Variants in KIAA1217 observed in about 807,000 individuals in gnomAD.
The protein encoded by KIAA1217 is KIAA1217.
Under a neutral mutation model 163.9 loss-of-function variants are expected in KIAA1217, and 88 were observed. The ratio of observed to expected loss-of-function variants is 0.54; its 90% CI spans 0.45 to 0.64. The LOEUF (loss-of-function observed/expected upper bound fraction) is 0.64. Among genes scored for constraint, KIAA1217 ranks in the 30% least tolerant of loss-of-function variants. The pLI, the probability that KIAA1217 is intolerant of heterozygous loss-of-function variation, is 0.00. For synonymous variants in KIAA1217, 903 were observed against 923.1 expected, an observed-to-expected ratio of 0.98 and a Z score of 0.39; for missense variants, 2,372 against 2,475.0, an observed-to-expected ratio of 0.96 and a Z score of 0.88.
intron 2 of KIAA1217, among the ~76,000 whole-genome samples, chr10:24,369,984 G>A (rs769410143): frequency 6.6e-6 from 1 of 152,202 alleles, no homozygotes; most frequent in African/African-American, 2.4e-5. Flanking sequence ...ACATCTACCT[G>A]GCCGGGCGCG....
chr10:23,934,468 C>G (rs1370774627), intron 1 of KIAA1217, among the ~76,000 whole-genome samples: 1 of 146,836 alleles, frequency 6.8e-6, no homozygotes, highest in African/African-American at 2.5e-5. Context: ...TGTAACAAAT[C>G]TGCACATTCT....
At chr10:24,044,442 C>T (rs559831300) in intron 2 of KIAA1217, among the ~76,000 whole-genome samples, 61 of 152,192 alleles carry the variant, frequency 4.0e-4, no homozygotes, top group African/African-American at 1.4e-3. Context: ...TAGCTTATCA[C>T]GTGTCAGATT....
chr10:24,537,593 G>A (rs201617922), intron 17 of KIAA1217, among the ~76,000 whole-genome samples: 2,317 of 141,096 alleles, frequency 0.016, 66 homozygotes, highest in African/African-American at 0.056. Context: ...AAAAAAAAAA[G>A]TAAAAACCTT....
intron 1 of KIAA1217, among the ~76,000 whole-genome samples, chr10:23,882,226 G>A (rs1243305411): frequency 1.3e-5 from 2 of 151,990 alleles, no homozygotes; most frequent in East Asian, 3.9e-4. Context: ...GCACAGATGT[G>A]GGTGGCAATG....
At chr10:24,049,254 T>G (rs1418527244) in intron 2 of KIAA1217, among the ~76,000 whole-genome samples, 1 of 152,028 alleles carries the variant, frequency 6.6e-6, no homozygotes, top group East Asian at 1.9e-4. Context: ...GGTAGAGAGA[T>G]CAATAACTCA....
intron 2 of KIAA1217, among the ~76,000 whole-genome samples, chr10:24,191,600 T>C (rs953393222): frequency 1.3e-5 from 2 of 152,032 alleles, no homozygotes; most frequent in South Asian, 2.1e-4. Flanking sequence ...ATATTAAAAA[T>C]TTAAAAATTT....
chr10:24,170,526 C>T (rs1422460805), intron 2 of KIAA1217, among the ~76,000 whole-genome samples: 1 of 151,102 alleles, frequency 6.6e-6, no homozygotes, highest in Admixed American at 6.6e-5. Context: ...TCTTTGACAA[C>T]ACCCCACTAC....
chr10:24,072,116 C>T (rs2061209215), intron 2 of KIAA1217, among the ~76,000 whole-genome samples: 1 of 152,054 alleles, frequency 6.6e-6, no homozygotes, highest in African/African-American at 2.4e-5. Flanking sequence ...GCCTTGTACT[C>T]CTGGGCTCAA....
At chr10:23,829,093 A>G (rs1838049351) in intron 1 of KIAA1217, among the ~76,000 whole-genome samples, 1 of 152,204 alleles carries the variant, frequency 6.6e-6, no homozygotes, top group African/African-American at 2.4e-5. Flanking sequence ...GGATAAGGAA[A>G]TATAACACTA....
intron 1 of KIAA1217, among the ~76,000 whole-genome samples, chr10:23,851,153 TC>T (rs2131096294): frequency 6.6e-6 from 1 of 152,242 alleles, no homozygotes; most frequent in Non-Finnish European, 1.5e-5. Context: ...CCTAATGCTA[TC>T]CCTCCCCCTT....
chr10:24,273,836 G>A (rs1162412680), intron 2 of KIAA1217, among the ~76,000 whole-genome samples: 2 of 147,186 alleles, frequency 1.4e-5, no homozygotes, highest in South Asian at 4.3e-4. Flanking sequence ...CTGGGCGACA[G>A]AACAAGACTC....
At chr10:23,725,176 G>T (rs1002551480) in intron 1 of KIAA1217, among the ~76,000 whole-genome samples, 14 of 152,264 alleles carry the variant, frequency 9.2e-5, no homozygotes, top group Middle Eastern at 6.8e-3. Flanking sequence ...TTGTCATCCT[G>T]CCTTCAGCAC....
chr10:24,075,838 A>C (rs2061352575), intron 2 of KIAA1217, among the ~76,000 whole-genome samples: 1 of 152,124 alleles, frequency 6.6e-6, no homozygotes, highest in African/African-American at 2.4e-5. Flanking sequence ...TCCTGACCTC[A>C]AGTAATCCAC....
At chr10:23,916,161 T>C (rs1203627576) in intron 1 of KIAA1217, among the ~76,000 whole-genome samples, 1 of 152,180 alleles carries the variant, frequency 6.6e-6, no homozygotes, top group Non-Finnish European at 1.5e-5. Context: ...AAAATTAAAC[T>C]GAAAGCAGCC....
intron 1 of KIAA1217, among the ~76,000 whole-genome samples, chr10:23,730,406 T>G (rs1279463210): frequency 6.6e-6 from 1 of 152,244 alleles, no homozygotes; most frequent in Non-Finnish European, 1.5e-5. Context: ...CGTACTGCCT[T>G]GATTACTGTA....
chr10:24,008,202 A>G (rs1847087676), intron 2 of KIAA1217, among the ~76,000 whole-genome samples: 1 of 146,068 alleles, frequency 6.8e-6, no homozygotes, highest in Non-Finnish European at 1.5e-5. Flanking sequence ...AGATAGATAG[A>G]TAGATTATTT....
chr10:24,544,727 G>T (rs773999377), intron 19 of KIAA1217, among the ~76,000 whole-genome samples: 6 of 152,072 alleles, frequency 3.9e-5, no homozygotes, highest in Admixed American at 1.3e-4. Context: ...GGGTAAACAC[G>T]AGGCTGCTGG....
rs138279063 is a variant in KIAA1217, at chr10:24,528,518, G to A, written c.3082+399G>A. 3.1e-3 allele frequency among the ~76,000 whole-genome samples: 474 copies of A among 151,572 alleles called. 5 individuals carry two copies. Among genetic ancestry groups the A allele is most frequent in the African/African-American group, 0.011 (451 of 41,304 alleles). On this transcript the variant is annotated intron_variant, in intron 14 of 20. Coordinates refer to ENST00000376454, the MANE Select transcript of KIAA1217 (RefSeq NM_019590.5). The stretch of plus-strand genomic sequence containing the variant: ...ATTTTTTTTTATTTTTTTAGAGACA[G>A]GTTTCTTCCTCTGTTGCCTTGGCTG...
chr10:24,399,227 G>A (rs1267701949), intron 3 of KIAA1217, among the ~76,000 whole-genome samples: 4 of 152,082 alleles, frequency 2.6e-5, no homozygotes, highest in South Asian at 2.1e-4. Flanking sequence ...ATGAACTGAG[G>A]TTTTTTTCTT....
Sources: allele counts gnomAD v4.1 joint callset (sites outside exome capture counted in the v4.1 genomes callset), GRCh38; gene constraint gnomAD v4.1.1; transcripts MANE v1.5; gene names NCBI Gene and HGNC (gene_info 2026-07-23, HGNC 2026-07-21).